The following LRRTM4 variants were observed in gnomAD, a reference collection of about 807,000 sequenced individuals.
The protein encoded by LRRTM4 is leucine-rich repeat transmembrane neuronal protein 4.
LRRTM4 carries 25 observed loss-of-function variants against 47.6 expected under a neutral mutation model. That is an observed-to-expected ratio of 0.53 (90% confidence interval 0.38 to 0.73). The LOEUF (loss-of-function observed/expected upper bound fraction) is 0.73, where lower values mean the gene tolerates loss of function less well. Ranked by LOEUF, LRRTM4 falls within the 30% of genes least tolerant of loss-of-function variation. The pLI, the probability that LRRTM4 is intolerant of heterozygous loss-of-function variation, is 0.00. For synonymous variants in LRRTM4, 311 were observed against 269.5 expected (o/e 1.15, Z -1.51); for missense variants, 638 against 713.4 (o/e 0.89, Z 1.20).
intron 3 of LRRTM4, among the ~76,000 whole-genome samples, chr2:76,990,667 A>G (rs1676972447): frequency 6.6e-6 from 1 of 151,886 alleles, no homozygotes; most frequent in Admixed American, 6.6e-5. Context: ...GTCTAGACCT[A>G]CAAAAAGACT....
chr2:77,137,917 A>G (rs1261557541), intron 3 of LRRTM4, among the ~76,000 whole-genome samples: 1 of 152,168 alleles, frequency 6.6e-6, no homozygotes, highest in Non-Finnish European at 1.5e-5. Context: ...TTCAACAGGA[A>G]GAGCTAACTA....
At chr2:76,869,037 G>A (rs1672547488) in intron 3 of LRRTM4, among the ~76,000 whole-genome samples, 1 of 151,958 alleles carries the variant, frequency 6.6e-6, no homozygotes, top group Non-Finnish European at 1.5e-5. Context: ...GTGGCCAGGC[G>A]CGGTGGCTCA....
intron 3 of LRRTM4, among the ~76,000 whole-genome samples, chr2:77,095,187 T>G (rs1670772191): frequency 2.0e-5 from 3 of 152,168 alleles, no homozygotes; most frequent in Non-Finnish European, 4.4e-5. Flanking sequence ...AAATGCAAAT[T>G]AAAACCACAG....
intron 3 of LRRTM4, among the ~76,000 whole-genome samples, chr2:77,069,401 A>ATGTGTGTGTGTGTGTGTG (rs3058064): frequency 1.5e-4 from 21 of 141,570 alleles, no homozygotes; most frequent in South Asian, 9.2e-4. Flanking sequence ...ACATTTCACT[A>ATGTGTGTGTGTGTGTGTG]TGTGTGTGTG....
At chr2:77,392,393 G>T (rs141644385) in intron 3 of LRRTM4, among the ~76,000 whole-genome samples, 1 of 151,920 alleles carries the variant, frequency 6.6e-6, no homozygotes, top group African/African-American at 2.4e-5. Context: ...CTTGTCATGA[G>T]CTATGACCCT....
intron 3 of LRRTM4, among the ~76,000 whole-genome samples, chr2:76,963,568 G>A (rs1409503971): frequency 6.6e-6 from 1 of 150,778 alleles, no homozygotes; most frequent in Non-Finnish European, 1.5e-5. Context: ...TCTTCCTTGA[G>A]AATGAAAACA....
At chr2:77,243,216 C>T (rs1263548935) in intron 3 of LRRTM4, among the ~76,000 whole-genome samples, 1 of 151,928 alleles carries the variant, frequency 6.6e-6, no homozygotes, top group East Asian at 1.9e-4. Context: ...AGTTCGAGAA[C>T]AGCCTCAACA....
intron 3 of LRRTM4, among the ~76,000 whole-genome samples, chr2:76,885,009 T>C (rs1673030322): frequency 6.6e-6 from 1 of 152,072 alleles, no homozygotes; most frequent in Non-Finnish European, 1.5e-5. Context: ...AGTATATGTA[T>C]GGTATAATCA....
intron 3 of LRRTM4, among the ~76,000 whole-genome samples, chr2:77,117,894 T>C (rs1223433125): frequency 6.6e-6 from 1 of 151,944 alleles, no homozygotes; most frequent in African/African-American, 2.4e-5. Context: ...CTCCTGCTGT[T>C]TGAGGAGATG....
intron 3 of LRRTM4, among the ~76,000 whole-genome samples, chr2:76,827,277 C>T (rs1671215039): frequency 6.6e-6 from 1 of 151,744 alleles, no homozygotes; most frequent in South Asian, 2.1e-4. Context: ...AGGTTAGTCT[C>T]TCAGGACCTA....
At chr2:77,049,556 G>GT (rs889763155) in intron 3 of LRRTM4, among the ~76,000 whole-genome samples, 4 of 151,962 alleles carry the variant, frequency 2.6e-5, no homozygotes, top group African/African-American at 9.6e-5. Context: ...GATATTGAGT[G>GT]TTTTTGAGAT....
At chr2:77,437,856 G>C (rs560527538) in intron 3 of LRRTM4, among the ~76,000 whole-genome samples, 1 of 152,146 alleles carries the variant, frequency 6.6e-6, no homozygotes, top group Non-Finnish European at 1.5e-5. Context: ...TCTTAGTTTT[G>C]TCCATGTGGG....
At chr2:77,039,985 A>T (rs538459567) in intron 3 of LRRTM4, among the ~76,000 whole-genome samples, 1 of 151,176 alleles carries the variant, frequency 6.6e-6, no homozygotes, top group Non-Finnish European at 1.5e-5. Flanking sequence ...CTGTCTTTAT[A>T]ATCAAAAGTA....
intron 3 of LRRTM4, among the ~76,000 whole-genome samples, chr2:77,419,030 G>T (rs1674759739): frequency 6.6e-6 from 1 of 151,998 alleles, no homozygotes; most frequent in African/African-American, 2.4e-5. Flanking sequence ...GTTTCACAAA[G>T]GCATTTTTAA....
chr2:77,371,287 A>G (rs1672646503), intron 3 of LRRTM4, among the ~76,000 whole-genome samples: 2 of 151,782 alleles, frequency 1.3e-5, no homozygotes, highest in African/African-American at 2.4e-5. Context: ...AAAGACCATC[A>G]TAGAACCATT....
intron 3 of LRRTM4, among the ~76,000 whole-genome samples, chr2:77,461,250 G>C (rs760472240): frequency 2.0e-5 from 3 of 151,896 alleles, no homozygotes; most frequent in South Asian, 2.1e-4. Context: ...TATGGGAACA[G>C]ATTAATCTCC....
chr2:77,114,238 G>C (rs1408701331), intron 3 of LRRTM4, among the ~76,000 whole-genome samples: 2 of 152,130 alleles, frequency 1.3e-5, no homozygotes, highest in African/African-American at 2.4e-5. Context: ...GTAGGGACCA[G>C]TTCCTGGAAT....
At chr2:76,960,764 T>C (rs1317311631) in intron 3 of LRRTM4, among the ~76,000 whole-genome samples, 1 of 151,612 alleles carries the variant, frequency 6.6e-6, no homozygotes, top group Admixed American at 6.6e-5. Context: ...AAATAAAAAC[T>C]GTAAGCCTTT....
chr2:77,352,577 G>A (rs1451824000), intron 3 of LRRTM4, among the ~76,000 whole-genome samples: 1 of 152,054 alleles, frequency 6.6e-6, no homozygotes, highest in Non-Finnish European at 1.5e-5. Flanking sequence ...CATTTGAGGA[G>A]AGACCAAGTT....
Sources: gnomAD v4.1 joint callset for allele counts (sites outside exome capture counted in the v4.1 genomes callset) on GRCh38, gnomAD v4.1.1 for gene constraint, MANE v1.5 for transcripts, NCBI Gene and HGNC (gene_info 2026-07-23, HGNC 2026-07-21) for gene names.